Variants in NAV2 observed in about 807,000 individuals in gnomAD.
NAV2 encodes neuron navigator 2, also known as helicase, APC down-regulated 1.
A neutral mutation model predicts 223.2 loss-of-function variants in NAV2; 54 were observed. The ratio of observed to expected loss-of-function variants is 0.24; its 90% CI spans 0.19 to 0.30. NAV2 has a LOEUF of 0.30. Ranked by LOEUF, NAV2 falls within the 10% of genes least tolerant of loss-of-function variation. NAV2 has a pLI of 1.00. For missense variants in NAV2, 2,806 were observed against 3,147.5 expected (o/e 0.89, Z 2.60); for synonymous variants, 1,279 against 1,239.3 (o/e 1.03, Z -0.67).
At chr11:20,082,027 T>C (rs1242840691) in intron 25 of NAV2, among the ~76,000 whole-genome samples, 1 of 152,216 alleles carries the variant, frequency 6.6e-6, no homozygotes, top group African/African-American at 2.4e-5. Flanking sequence ...TGTAATATAC[T>C]AGTTCCTTTT....
At chr11:19,589,126 G>A (rs889918773) in intron 1 of NAV2, among the ~76,000 whole-genome samples, 1 of 152,222 alleles carries the variant, frequency 6.6e-6, no homozygotes, top group Non-Finnish European at 1.5e-5. Context: ...TGAGCTCACA[G>A]TCTAGAGGGA....
chr11:19,809,340 A>T (rs2058739215), intron 1 of NAV2, among the ~76,000 whole-genome samples: 1 of 152,224 alleles, frequency 6.6e-6, no homozygotes, highest in South Asian at 2.1e-4. Context: ...GAAATGGCTA[A>T]ATCCACATGT....
intron 10 of NAV2, among the ~76,000 whole-genome samples, chr11:19,974,215 C>T (rs1046139804): frequency 2.6e-5 from 4 of 152,178 alleles, no homozygotes; most frequent in Admixed American, 2.0e-4. Context: ...TGATTTAAGG[C>T]AACATTTCTC....
At chr11:19,677,048 C>T (rs761779702) in intron 1 of NAV2, among the ~76,000 whole-genome samples, 2 of 152,162 alleles carry the variant, frequency 1.3e-5, no homozygotes, top group African/African-American at 4.8e-5. Flanking sequence ...GACTGCCAGC[C>T]ACAGAAAAAG....
At chr11:19,646,107 C>T (rs979113332) in intron 1 of NAV2, among the ~76,000 whole-genome samples, 2 of 152,184 alleles carry the variant, frequency 1.3e-5, no homozygotes, top group African/African-American at 4.8e-5. Flanking sequence ...ACCCACCTTG[C>T]AGATTATCCC....
At chr11:19,525,976 A>G (rs751336971) in intron 1 of NAV2, among the ~76,000 whole-genome samples, 3 of 152,054 alleles carry the variant, frequency 2.0e-5, no homozygotes, top group Non-Finnish European at 4.4e-5. Context: ...TCTCCTGATA[A>G]TGTTCCCCGC....
intron 1 of NAV2, among the ~76,000 whole-genome samples, chr11:19,636,639 T>C (rs2047510898): frequency 6.6e-6 from 1 of 152,068 alleles, no homozygotes; most frequent in Non-Finnish European, 1.5e-5. Context: ...TACAGGAGTA[T>C]TTTTGTATTT....
chr11:19,523,045 A>T (rs776396903), intron 1 of NAV2, among the ~76,000 whole-genome samples: 30 of 152,248 alleles, frequency 2.0e-4, no homozygotes, highest in Non-Finnish European at 3.4e-4. Context: ...TCATTGGAGA[A>T]TTCATCCAGA....
chr11:19,578,370 A>G (rs1317413573), intron 1 of NAV2, among the ~76,000 whole-genome samples: 1 of 152,214 alleles, frequency 6.6e-6, no homozygotes, highest in Non-Finnish European at 1.5e-5. Context: ...GTCAGAGGTT[A>G]AGCCAGGCAG....
At chr11:19,454,214 T>C (rs1385960214) in intron 1 of NAV2, among the ~76,000 whole-genome samples, 7 of 152,144 alleles carry the variant, frequency 4.6e-5, no homozygotes, top group Non-Finnish European at 8.8e-5. Flanking sequence ...TGTCTCTAAA[T>C]GGTTAGGTTT....
intron 11 of NAV2, among the ~76,000 whole-genome samples, chr11:19,989,238 T>A (rs1041607696): frequency 1.3e-5 from 2 of 152,140 alleles, no homozygotes; most frequent in Non-Finnish European, 2.9e-5. Context: ...GGGTCCAACA[T>A]AATCACAAGG....
In NAV2 at chr11:19,887,948, T is replaced by C. The variant is rs2041157565; in HGVS notation, c.771-4486T>C. 6.3e-5 allele frequency among the ~76,000 whole-genome samples: 3 copies of C among 47,406 alleles called. No homozygotes were observed. The South Asian group carries it at 2.3e-3, about 36-fold the overall frequency. 31.1% of individuals were successfully genotyped at this position (47,406 alleles called of 152,430 possible). A position where few individuals can be genotyped will look rare whatever the true frequency, so the allele number is the denominator to read the frequency against. ...CTGAAGTGGTTTTGGGGGAAAGAAC[T>C]GTTTTTTTTTTTTGCCATCAGCACG... On this transcript the variant is annotated intron_variant, in intron 5 of 37. Coordinates refer to ENST00000349880, the MANE Select transcript of NAV2 (RefSeq NM_145117.5).
chr11:19,496,393 A>T (rs2042794379), intron 1 of NAV2, among the ~76,000 whole-genome samples: 1 of 152,204 alleles, frequency 6.6e-6, no homozygotes, highest in Non-Finnish European at 1.5e-5. Context: ...GGCTGCATTC[A>T]TCTGGAGGCT....
chr11:19,401,463 A>T (rs1436018299), intron 1 of NAV2, among the ~76,000 whole-genome samples: 1 of 152,184 alleles, frequency 6.6e-6, no homozygotes, highest in South Asian at 2.1e-4. Flanking sequence ...TCACTGTTGG[A>T]TTTACTGGGC....
chr11:19,452,101 T>A (rs888147572), intron 1 of NAV2, among the ~76,000 whole-genome samples: 3 of 139,858 alleles, frequency 2.1e-5, no homozygotes, highest in African/African-American at 8.0e-5. Context: ...TCTATTAGGT[T>A]ACAAAAGTGT....
chr11:19,972,638 A>G (rs2049346134), intron 10 of NAV2, among the ~76,000 whole-genome samples: 1 of 152,062 alleles, frequency 6.6e-6, no homozygotes, highest in African/African-American at 2.4e-5. Flanking sequence ...CCCTCCCCCA[A>G]GCCAATATTG....
chr11:19,884,226 T>G, intron 5 of NAV2: 1 of 1,165,430 alleles, frequency 8.6e-7, no homozygotes, highest in South Asian at 1.3e-5. Flanking sequence ...ACTCTTAGGA[T>G]TTGTGTGTCT....
intron 1 of NAV2, among the ~76,000 whole-genome samples, chr11:19,653,164 C>G (rs1452388770): frequency 1.3e-5 from 2 of 152,204 alleles, no homozygotes; most frequent in Non-Finnish European, 2.9e-5. Flanking sequence ...CACTGAGCAA[C>G]AGAGGAGCTT....
intron 1 of NAV2, among the ~76,000 whole-genome samples, chr11:19,489,373 A>AT (rs1163526938): frequency 1.3e-5 from 2 of 152,188 alleles, no homozygotes; most frequent in Non-Finnish European, 2.9e-5. Flanking sequence ...CTAATGATAC[A>AT]TTTCTTAGAA....
Sources: allele counts gnomAD v4.1 joint callset (sites outside exome capture counted in the v4.1 genomes callset), GRCh38; gene constraint gnomAD v4.1.1; transcripts MANE v1.5; gene names NCBI Gene and HGNC (gene_info 2026-07-23, HGNC 2026-07-21).